The following DYRK1A variants were observed in gnomAD, a reference collection of about 807,000 sequenced individuals.
DYRK1A encodes the protein dual specificity tyrosine-phosphorylation-regulated kinase 1A.
In DYRK1A, 9 loss-of-function variants were observed where a neutral mutation model predicts 79.7. That is an observed-to-expected ratio of 0.11 (90% CI 0.07 to 0.20). DYRK1A has a LOEUF of 0.20. Among genes scored for constraint, DYRK1A ranks in the 10% least tolerant of loss-of-function variants. The probability of loss-of-function intolerance (pLI) is 1.00; values close to 1 mark genes in which losing one functional copy is unlikely to be tolerated. For missense variants in DYRK1A, 622 were observed against 956.0 expected, an observed-to-expected ratio of 0.65 and a Z score of 4.61; for synonymous variants, 349 against 329.7, an observed-to-expected ratio of 1.06 and a Z score of -0.63.
In DYRK1A at chr21:37,478,364, C is replaced by T; in HGVS notation, c.300+64C>T. The T allele has an allele frequency of 2.0e-6, 3 of 1,472,148 alleles. No homozygotes were observed. The East Asian group carries it at 7.0e-5, about 35-fold the overall frequency. 91.2% of individuals were successfully genotyped at this position (1,472,148 alleles called of 1,614,324 possible). A position where few individuals can be genotyped will look rare whatever the true frequency, so the allele number is the denominator to read the frequency against. On this transcript the variant is annotated intron_variant, in intron 4 of 11. Transcript: ENST00000647188. ...TATGTCATTGAGAAAAAAAGTGTGA[C>T]CTATTTACCCTAAACTTTTTTTTCA...
chr21:37,375,804 C>T (rs2049526972), intron 1 of DYRK1A, among the ~76,000 whole-genome samples: 1 of 152,018 alleles, frequency 6.6e-6, no homozygotes, highest in Non-Finnish European at 1.5e-5. Flanking sequence ...CCACCACACC[C>T]AGCCCTGGAG....
At chr21:37,409,473 A>G (rs1157926526) in intron 1 of DYRK1A, among the ~76,000 whole-genome samples, 1 of 152,152 alleles carries the variant, frequency 6.6e-6, no homozygotes, top group Non-Finnish European at 1.5e-5. Context: ...GATTTTTAAA[A>G]ACAAATATAT....
chr21:37,441,666 A>G (rs902106151), intron 2 of DYRK1A, among the ~76,000 whole-genome samples: 1 of 152,012 alleles, frequency 6.6e-6, no homozygotes, highest in Non-Finnish European at 1.5e-5. Flanking sequence ...GTATTCTTCT[A>G]TTTCTCTACT....
chr21:37,478,117 C>G, intron 3 of DYRK1A, 91 bp from the exon 4 acceptor site: 1 of 1,538,008 alleles, frequency 6.5e-7, no homozygotes, highest in African/African-American at 1.4e-5. Context: ...TAGATACATG[C>G]AGGTTACAGA....
At chr21:37,377,605 A>G (rs1301880310) in intron 1 of DYRK1A, among the ~76,000 whole-genome samples, 1 of 152,104 alleles carries the variant, frequency 6.6e-6, no homozygotes, top group Non-Finnish European at 1.5e-5. Flanking sequence ...AGTAGCTGAG[A>G]TTATAGGTGT....
chr21:37,379,285 T>C (rs2049610008), intron 1 of DYRK1A, among the ~76,000 whole-genome samples: 1 of 151,850 alleles, frequency 6.6e-6, no homozygotes, highest in African/African-American at 2.4e-5. Flanking sequence ...CATGAGGGAA[T>C]ACGAAGAGGT....
chr21:37,441,075 T>TTA (rs965985685), intron 2 of DYRK1A, among the ~76,000 whole-genome samples: 3 of 152,146 alleles, frequency 2.0e-5, no homozygotes, highest in Non-Finnish European at 4.4e-5. Flanking sequence ...TAAAGCTCTG[T>TTA]TAATAGGTTC....
At chr21:37,401,481 C>CTTTTTTTT (rs772460097) in intron 1 of DYRK1A, among the ~76,000 whole-genome samples, 1 of 135,034 alleles carries the variant, frequency 7.4e-6, no homozygotes, top group Non-Finnish European at 1.6e-5. Context: ...ATTTCTAGTT[C>CTTTTTTTT]CTTTTTTTTT....
intron 1 of DYRK1A, among the ~76,000 whole-genome samples, chr21:37,404,857 T>C (rs574011468): frequency 6.6e-6 from 1 of 152,340 alleles, no homozygotes; most frequent in South Asian, 2.1e-4. Flanking sequence ...TGCAGGTGCT[T>C]GGAGGAATGT....
intron 2 of DYRK1A, among the ~76,000 whole-genome samples, chr21:37,437,338 T>G (rs2050953993): frequency 6.6e-6 from 1 of 152,014 alleles, no homozygotes; most frequent in Admixed American, 6.6e-5. Context: ...TTTCAAGGGG[T>G]TTTTGAGTTG....
At chr21:37,511,285 G>A (rs2053741397) in intron 11 of DYRK1A, among the ~76,000 whole-genome samples, 1 of 152,196 alleles carries the variant, frequency 6.6e-6, no homozygotes, top group Non-Finnish European at 1.5e-5. Flanking sequence ...ATTTTAAATA[G>A]GGAAGTGATT....
intron 1 of DYRK1A, among the ~76,000 whole-genome samples, chr21:37,418,446 C>T (rs569344688): frequency 2.1e-4 from 32 of 152,262 alleles, no homozygotes; most frequent in African/African-American, 5.8e-4. Flanking sequence ...ATAATTGATT[C>T]TACTGTCTTA....
chr21:37,378,947 C>A (rs1179459769), intron 1 of DYRK1A, among the ~76,000 whole-genome samples: 1 of 151,876 alleles, frequency 6.6e-6, no homozygotes, highest in African/African-American at 2.4e-5. Context: ...TATGGTGGAA[C>A]CTGAGGACTT....
intron 5 of DYRK1A, chr21:37,481,535 G>C (rs776486654): frequency 2.0e-5 from 3 of 152,266 alleles, no homozygotes; most frequent in Admixed American, 1.3e-4. Context: ...GGGATTACAG[G>C]TGTGTGCCTG....
chr21:37,500,940 C>G (rs778011788), intron 9 of DYRK1A, among the ~76,000 whole-genome samples: 1 of 134,376 alleles, frequency 7.4e-6, no homozygotes, highest in East Asian at 2.3e-4. Context: ...TTTTTTTTTT[C>G]TTTTCTTTTT....
chr21:37,510,276 C>T (rs1190101100), intron 11 of DYRK1A, among the ~76,000 whole-genome samples: 1 of 152,196 alleles, frequency 6.6e-6, no homozygotes, highest in Non-Finnish European at 1.5e-5. Context: ...ACTTGATTAA[C>T]TTCATATAAA....
intron 9 of DYRK1A, among the ~76,000 whole-genome samples, chr21:37,499,651 C>T (rs2053380666): frequency 6.7e-6 from 1 of 148,486 alleles, no homozygotes; most frequent in African/African-American, 2.6e-5. Flanking sequence ...CACTTTATTC[C>T]TTAGTTTTTA....
intron 2 of DYRK1A, among the ~76,000 whole-genome samples, chr21:37,470,972 T>A (rs1204958158): frequency 6.6e-6 from 1 of 152,226 alleles, no homozygotes; most frequent in African/African-American, 2.4e-5. Flanking sequence ...ATTAATCATG[T>A]AGATTGGGAA....
At chr21:37,378,980 T>G (rs1229577558) in intron 1 of DYRK1A, among the ~76,000 whole-genome samples, 1 of 151,984 alleles carries the variant, frequency 6.6e-6, no homozygotes, top group East Asian at 1.9e-4. Flanking sequence ...GAGGAAGTCA[T>G]GTGGGCAATG....
Sources: allele counts gnomAD v4.1 joint callset (sites outside exome capture counted in the v4.1 genomes callset), GRCh38; gene constraint gnomAD v4.1.1; transcripts MANE v1.5; gene names NCBI Gene and HGNC (gene_info 2026-07-23, HGNC 2026-07-21).